The following EPG5 variants were observed in gnomAD, a reference collection of about 807,000 sequenced individuals.
EPG5 encodes the protein ectopic P-granules 5 autophagy tethering factor.
In EPG5, 159 loss-of-function variants were observed where a neutral mutation model predicts 302.7. The ratio of observed to expected loss-of-function variants is 0.53; its 90% CI spans 0.46 to 0.60. The LOEUF (loss-of-function observed/expected upper bound fraction) is 0.60, where lower values mean the gene tolerates loss of function less well. Ranked by LOEUF, EPG5 falls within the 20% of genes least tolerant of loss-of-function variation. The pLI is 0.00. For synonymous variants in EPG5, 1,158 were observed against 1,136.8 expected, an observed-to-expected ratio of 1.02 and a Z score of -0.37; for missense variants, 2,896 against 3,092.4, an observed-to-expected ratio of 0.94 and a Z score of 1.51.
At position 45,929,017 on chromosome 18, in the gene EPG5, G is replaced by T; in HGVS notation, c.2413-8C>A. The T allele has an allele frequency of 6.2e-7, 1 of 1,611,992 alleles. No homozygotes were observed. Among genetic ancestry groups the T allele is most frequent in the African/African-American group, 1.3e-5 (1 of 74,932 alleles). ...CAAGGTGACATAAGATACCTAAATG[G>T]GGGGAAGGGGGAAGAAGATGGCACT... On this transcript the variant is annotated splice_region_variant and splice_polypyrimidine_tract_variant and intron_variant, in intron 12 of 43. Coordinates refer to ENST00000282041, the MANE Select transcript of EPG5 (RefSeq NM_020964.3).
At chr18:45,958,946 T>C (rs573392692) in intron 1 of EPG5, among the ~76,000 whole-genome samples, 3 of 152,244 alleles carry the variant, frequency 2.0e-5, no homozygotes, top group African/African-American at 7.2e-5. Context: ...CAGCTCCAAC[T>C]CCCTGTGATT....
the EPG5 span, among the ~76,000 whole-genome samples, chr18:45,805,011 CTCAAA>C: frequency 6.6e-6 from 1 of 152,076 alleles, no homozygotes; most frequent in East Asian, 1.9e-4. Flanking sequence ...ACAATGTAAA[CTCAAA>C]TCAGATTATA....
Position 45,849,921 on chromosome 18 carries a change from G to T in EPG5, c.*2546C>A, listed in dbSNP as rs926005255. 1.3e-5 allele frequency: 2 copies of T among 152,266 alleles called. No individual in the cohort carries two copies. The highest frequency in any genetic ancestry group is 3.2e-3 in the Middle Eastern group (1 of 316). The allele number at this position is 152,266 out of a possible 1,614,324, so 9.4% of individuals were successfully genotyped here. A position where few individuals can be genotyped will look rare whatever the true frequency, so the allele number is the denominator to read the frequency against. On this transcript the variant is annotated 3_prime_UTR_variant, in exon 44 of 44. Coordinates refer to ENST00000282041, the MANE Select transcript of EPG5 (RefSeq NM_020964.3). ...TCTGGCAGGACCTCCCTCCCTCTAT[G>T]TCTGGTGTGTTCCAGCATTCTGCCC...
the EPG5 span, chr18:45,842,237 C>T: frequency 5.0e-6 from 8 of 1,596,614 alleles, no homozygotes; most frequent in Non-Finnish European, 6.9e-6. Flanking sequence ...AGAACAAAGG[C>T]CAGTGCGAGG....
chr18:45,835,839 G>A, the EPG5 span, among the ~76,000 whole-genome samples: 1 of 152,174 alleles, frequency 6.6e-6, no homozygotes, highest in Non-Finnish European at 1.5e-5. Flanking sequence ...CCAGGCTCAG[G>A]ACACTACAAT....
intron 5 of EPG5, 96 bp downstream of exon 5, chr18:45,949,388 T>C (rs1599638395): frequency 7.4e-6 from 5 of 673,674 alleles, no homozygotes; most frequent in Middle Eastern, 3.3e-4. Flanking sequence ...TTACTCTTTT[T>C]TAAATAGTCC....
At chr18:45,935,804 G>A (rs2050510630) in intron 10 of EPG5, among the ~76,000 whole-genome samples, 1 of 152,174 alleles carries the variant, frequency 6.6e-6, no homozygotes, top group South Asian at 2.1e-4. Flanking sequence ...GGCTTCCACA[G>A]TATGGCTCTG....
At chr18:45,817,557 C>T in the EPG5 span, among the ~76,000 whole-genome samples, 1 of 152,218 alleles carries the variant, frequency 6.6e-6, no homozygotes, top group Non-Finnish European at 1.5e-5. Flanking sequence ...TTCAGGGCTG[C>T]AATCATCTGA....
rs746667054 is a variant in EPG5, at chr18:45,925,885, A to G, written c.2571T>C (p.Phe857=). ...DQVGMVSLYL[F]KELPLYLWQP... Reference sequence around the variant, plus strand: ...GCCAAAGATACAAAGGCAGTTCTTTAAACAAGTATAGAGAAACCTTATTAA... The same window carrying G: ...GCCAAAGATACAAAGGCAGTTCTTTGAACAAGTATAGAGAAACCTTATTAA... Residue 857 remains phenylalanine (F), a synonymous_variant, in exon 14 of 44, where the codon TTT becomes TTC. Coordinates refer to ENST00000282041, the MANE Select transcript of EPG5 (RefSeq NM_020964.3). 10 of 1,495,822 alleles carry G rather than the reference A, an allele frequency of 6.7e-6. No individual in the cohort carries two copies. Among genetic ancestry groups the G allele is most frequent in the Non-Finnish European group, 8.0e-6 (9 of 1,123,766 alleles). 92.7% of individuals were successfully genotyped at this position (1,495,822 alleles called of 1,614,324 possible). A position where few individuals can be genotyped will look rare whatever the true frequency, so the allele number is the denominator to read the frequency against.
chr18:45,894,768 T>C (rs1028914814), intron 27 of EPG5, among the ~76,000 whole-genome samples: 1 of 152,186 alleles, frequency 6.6e-6, no homozygotes, highest in African/African-American at 2.4e-5. Context: ...AAAGTCTAAA[T>C]GGCTGAAAAG....
intron 29 of EPG5, among the ~76,000 whole-genome samples, chr18:45,886,923 G>T (rs144780282): frequency 6.6e-6 from 1 of 152,238 alleles, no homozygotes; most frequent in Non-Finnish European, 1.5e-5. Context: ...CTCCCAAAGT[G>T]CTGGGATTAC....
In EPG5 at chr18:45,910,741, A is replaced by G; in HGVS notation, c.3985T>C (p.Leu1329=). 1 of 1,611,426 alleles carries G rather than the reference A, an allele frequency of 6.2e-7. No homozygotes were observed. Among genetic ancestry groups the G allele is most frequent in the Non-Finnish European group, 8.5e-7 (1 of 1,177,896 alleles). Residue 1329 remains leucine (L), a splice_region_variant and synonymous_variant, in exon 23 of 44, where the codon TTA becomes CTA. Coordinates refer to ENST00000282041, the MANE Select transcript of EPG5 (RefSeq NM_020964.3). ...YLHRPGPQYG[L]PIDGCIGRRF... is the part of the protein sequence containing the mutation. ...CTTCCAATACAACCATCTATGGGTA[A>G]CCTTAAAAAACACAAGCACAGATCT...
intron 40 of EPG5, among the ~76,000 whole-genome samples, chr18:45,859,587 G>A (rs997726630): frequency 6.6e-6 from 1 of 152,178 alleles, no homozygotes; most frequent in Non-Finnish European, 1.5e-5. Context: ...CAGTTTAGAG[G>A]TAGAAAGTAA....
At chr18:45,840,414 C>CA in the EPG5 span, among the ~76,000 whole-genome samples, 517 of 152,248 alleles carry the variant, frequency 3.4e-3, 2 homozygotes, top group African/African-American at 0.012. Flanking sequence ...TGCAGCCTGC[C>CA]AAGGTCTTCC....
At chr18:45,912,825 C>A (rs1451614088) in intron 21 of EPG5, among the ~76,000 whole-genome samples, 1 of 152,162 alleles carries the variant, frequency 6.6e-6, no homozygotes, top group Non-Finnish European at 1.5e-5. Context: ...CAGTGGCTCA[C>A]ACCTGTAATC....
rs2051289615 is a variant in EPG5 at position 45,967,301 on chromosome 18, G to A, written c.-62C>T. The stretch of plus-strand genomic sequence containing the variant: ...CAAACCCCTGCGCTTCAAGCAACCT[G>A]CCCGGTTCTGGCCTCCGGACTGTCA... On this transcript the variant is annotated 5_prime_UTR_variant, in exon 1 of 44. Coordinates refer to ENST00000282041, the MANE Select transcript of EPG5 (RefSeq NM_020964.3). 6.8e-7 allele frequency: 1 copy of A among 1,465,670 alleles called. No individual in the cohort carries two copies. Among genetic ancestry groups the A allele is most frequent in the East Asian group, 2.5e-5 (1 of 39,300 alleles). 90.8% of individuals were successfully genotyped at this position (1,465,670 alleles called of 1,614,324 possible).
intron 1 of EPG5, among the ~76,000 whole-genome samples, chr18:45,958,079 T>C (rs2051069364): frequency 1.3e-5 from 2 of 152,188 alleles, no homozygotes; most frequent in South Asian, 4.1e-4. Flanking sequence ...TAAAACAATT[T>C]CATTTATAAT....
chr18:45,962,319 A>ATCTT (rs924982938), intron 1 of EPG5, among the ~76,000 whole-genome samples: 2 of 152,234 alleles, frequency 1.3e-5, no homozygotes, highest in African/African-American at 4.8e-5. Flanking sequence ...TCTGGGACAC[A>ATCTT]TCTTTCTGTC....
intron 10 of EPG5, among the ~76,000 whole-genome samples, chr18:45,938,663 T>C (rs936045518): frequency 6.6e-6 from 1 of 152,184 alleles, no homozygotes; most frequent in African/African-American, 2.4e-5. Flanking sequence ...TGGTTTAAAA[T>C]GTATTTCCTC....
Sources: allele counts gnomAD v4.1 joint callset (sites outside exome capture counted in the v4.1 genomes callset), GRCh38; gene constraint gnomAD v4.1.1; transcripts MANE v1.5; gene names NCBI Gene and HGNC (gene_info 2026-07-23, HGNC 2026-07-21).